The following KCNB2 variants were observed in gnomAD, a reference collection of about 807,000 sequenced individuals.
KCNB2 encodes the protein potassium voltage-gated channel subfamily B member 2, also known as delayed rectifier potassium channel protein.
Under a neutral mutation model 61.5 loss-of-function variants are expected in KCNB2, and 15 were observed. The ratio of observed to expected loss-of-function variants is 0.24; its 90% confidence interval spans 0.16 to 0.38. The LOEUF is 0.38. Among genes scored for constraint, KCNB2 ranks in the 10% least tolerant of loss-of-function variants. The pLI is 1.00. For missense variants in KCNB2, 828 were observed against 1,125.2 expected (o/e 0.74, Z 3.78); for synonymous variants, 457 against 446.0 (o/e 1.02, Z -0.31).
intron 2 of KCNB2, among the ~76,000 whole-genome samples, chr8:72,923,692 C>G (rs547791424): frequency 6.7e-6 from 1 of 149,228 alleles, no homozygotes; most frequent in African/African-American, 2.5e-5. Context: ...TTGTCTGTAC[C>G]AAACTTATTG....
At chr8:72,777,926 T>G (rs1808683085) in intron 2 of KCNB2, among the ~76,000 whole-genome samples, 1 of 152,196 alleles carries the variant, frequency 6.6e-6, no homozygotes, top group African/African-American at 2.4e-5. Flanking sequence ...GGATTTTCAT[T>G]TGAAGTTTTC....
intron 2 of KCNB2, among the ~76,000 whole-genome samples, chr8:72,643,427 G>A (rs1806084895): frequency 6.6e-6 from 1 of 152,042 alleles, no homozygotes; most frequent in Non-Finnish European, 1.5e-5. Context: ...AATCTAGACT[G>A]AAACCACATA....
At chr8:72,897,304 A>T (rs1806008162) in intron 2 of KCNB2, among the ~76,000 whole-genome samples, 1 of 152,154 alleles carries the variant, frequency 6.6e-6, no homozygotes, top group East Asian at 1.9e-4. Flanking sequence ...CCTGTTTCGT[A>T]TGCACAATAA....
chr8:72,931,281 G>T (rs1330281970), intron 2 of KCNB2, among the ~76,000 whole-genome samples: 1 of 152,174 alleles, frequency 6.6e-6, no homozygotes, highest in African/African-American at 2.4e-5. Context: ...GGCAATGGGG[G>T]CTCTTTTTTG....
At chr8:72,732,815 C>A (rs975087921) in intron 2 of KCNB2, among the ~76,000 whole-genome samples, 4 of 152,054 alleles carry the variant, frequency 2.6e-5, no homozygotes, top group Non-Finnish European at 5.9e-5. Flanking sequence ...GCCTACTCAG[C>A]CCTGGTGCTA....
At chr8:72,884,861 G>C (rs1011108492) in intron 2 of KCNB2, among the ~76,000 whole-genome samples, 4 of 152,104 alleles carry the variant, frequency 2.6e-5, no homozygotes, top group African/African-American at 9.7e-5. Context: ...GTATTTCAAA[G>C]TATCTTAGCT....
At chr8:72,731,285 T>A (rs1403836201) in intron 2 of KCNB2, among the ~76,000 whole-genome samples, 1 of 152,208 alleles carries the variant, frequency 6.6e-6, no homozygotes, top group Non-Finnish European at 1.5e-5. Context: ...ATATCAGTGA[T>A]GAATAGTTCA....
chr8:72,562,642 C>A (rs916061719), intron 1 of KCNB2, among the ~76,000 whole-genome samples: 4 of 152,134 alleles, frequency 2.6e-5, no homozygotes, highest in Non-Finnish European at 5.9e-5. Context: ...AACAAAAGTG[C>A]CTTCTGTTTA....
At chr8:72,717,344 T>C (rs1380642469) in intron 2 of KCNB2, among the ~76,000 whole-genome samples, 6 of 152,100 alleles carry the variant, frequency 3.9e-5, no homozygotes, top group Non-Finnish European at 8.8e-5. Context: ...AAAAAGAGCT[T>C]GCATCGCCAA....
At chr8:72,760,418 G>A (rs1306476892) in intron 2 of KCNB2, among the ~76,000 whole-genome samples, 1 of 152,118 alleles carries the variant, frequency 6.6e-6, no homozygotes, top group Non-Finnish European at 1.5e-5. Context: ...GGCCAGTACT[G>A]AAGTCCCCCA....
intron 2 of KCNB2, among the ~76,000 whole-genome samples, chr8:72,619,696 A>G (rs1805684886): frequency 6.6e-6 from 1 of 152,028 alleles, no homozygotes; most frequent in African/African-American, 2.4e-5. Flanking sequence ...TTATCTTCAA[A>G]TTTTATTTTA....
At chr8:72,832,997 A>G (rs1217813637) in intron 2 of KCNB2, among the ~76,000 whole-genome samples, 2 of 152,218 alleles carry the variant, frequency 1.3e-5, no homozygotes, top group East Asian at 3.8e-4. Context: ...TACATAGGAG[A>G]CCTATGGAGA....
At chr8:72,828,565 G>A (rs1056081872) in intron 2 of KCNB2, among the ~76,000 whole-genome samples, 2 of 152,140 alleles carry the variant, frequency 1.3e-5, no homozygotes, top group African/African-American at 4.8e-5. Context: ...CCCTGGACAT[G>A]TTACAAAACA....
intron 2 of KCNB2, among the ~76,000 whole-genome samples, chr8:72,608,858 G>A (rs1157260189): frequency 6.6e-6 from 1 of 152,114 alleles, no homozygotes; most frequent in Non-Finnish European, 1.5e-5. Flanking sequence ...TGAAGTTTGG[G>A]CTTCACCAGT....
chr8:72,936,729 C>T lies in KCNB2; in HGVS notation c.1374C>T (p.Phe458=), dbSNP rs569733816. ...TTTCTATGAACTTAAAAGATGCCTT[C>T]GCTCGAAGTATGGAACTGATAGATG... ...SIVSMNLKDA[F]ARSMELIDVA... is the part of the protein sequence containing the mutation. Residue 458 remains phenylalanine (F), a synonymous_variant, in exon 3 of 3, where the codon TTC becomes TTT. Coordinates refer to ENST00000523207, the MANE Select transcript of KCNB2 (RefSeq NM_004770.3). This position sits in a 1 kb window ranked among gnomAD's most constrained non-coding sequence, Gnocchi z 5.6. 24 of 1,614,146 alleles carry T rather than the reference C, an allele frequency of 1.5e-5. No homozygotes were observed. The highest frequency in any genetic ancestry group is 1.0e-4 in the Admixed American group (6 of 60,028).
intron 2 of KCNB2, among the ~76,000 whole-genome samples, chr8:72,787,929 G>T (rs556191401): frequency 6.6e-6 from 1 of 152,166 alleles, no homozygotes; most frequent in Non-Finnish European, 1.5e-5. Flanking sequence ...GAATACATAG[G>T]CTCTGTAGAC....
intron 1 of KCNB2, among the ~76,000 whole-genome samples, chr8:72,563,827 G>T (rs919068320): frequency 6.6e-6 from 1 of 152,188 alleles, no homozygotes; most frequent in Non-Finnish European, 1.5e-5. Flanking sequence ...CAACTGCTCA[G>T]GAACTTATGC....
At position 72,537,425 on chromosome 8, in the gene KCNB2, G is replaced by C. The variant is rs939583500; in HGVS notation, c.-554G>C. ...TGCGCCTCGGGCAGCCCCAGCGAGC[G>C]GCAACTCCCGGGCTGGCGCGGCTCG... On this transcript the variant is annotated 5_prime_UTR_variant, in exon 1 of 3. Coordinates refer to ENST00000523207, the MANE Select transcript of KCNB2 (RefSeq NM_004770.3). The C allele has an allele frequency of 2.0e-5, 3 of 152,626 alleles. No individual in the cohort carries two copies. Among genetic ancestry groups the C allele is most frequent in the African/African-American group, 4.8e-5 (2 of 41,430 alleles). 9.5% of individuals were successfully genotyped at this position (152,626 alleles called of 1,614,324 possible).
intron 2 of KCNB2, among the ~76,000 whole-genome samples, chr8:72,910,646 C>T (rs1806271664): frequency 6.6e-6 from 1 of 152,096 alleles, no homozygotes. Flanking sequence ...TGTAAAGTGA[C>T]ATTGAATTCA....
Sources: gnomAD v4.1 joint callset for allele counts (sites outside exome capture counted in the v4.1 genomes callset) on GRCh38, gnomAD v4.1.1 for gene constraint, Gnocchi (gnomAD v3.1) non-coding constraint, MANE v1.5 for transcripts, NCBI Gene and HGNC (gene_info 2026-07-23, HGNC 2026-07-21) for gene names.